The following FOXN3 variants were observed in gnomAD, a reference collection of about 807,000 sequenced individuals.
The protein encoded by FOXN3 is forkhead box N3.
Under a neutral mutation model 38.4 loss-of-function variants are expected in FOXN3, and 7 were observed. The observed-to-expected ratio is 0.18, with a 90% CI of 0.10 to 0.34. The LOEUF (loss-of-function observed/expected upper bound fraction) is 0.34. Ranked by LOEUF, FOXN3 falls within the 10% of genes least tolerant of loss-of-function variation. FOXN3 has a pLI of 1.00. For missense variants in FOXN3, 456 were observed against 613.4 expected (o/e 0.74, Z 2.71); for synonymous variants, 230 against 242.2 (o/e 0.95, Z 0.47).
chr14:89,351,955 C>T (rs547707311), intron 2 of FOXN3, among the ~76,000 whole-genome samples: 8 of 152,192 alleles, frequency 5.3e-5, no homozygotes, highest in African/African-American at 1.7e-4. Flanking sequence ...TCAGTTCACC[C>T]GAGTAGTTTC....
At chr14:89,609,494 T>G (rs2139951939) in intron 1 of FOXN3, among the ~76,000 whole-genome samples, 1 of 152,266 alleles carries the variant, frequency 6.6e-6, no homozygotes. Flanking sequence ...ATAATTTGAG[T>G]TGCAACCACG....
chr14:89,467,804 GTTTTTTTTTTTT>G (rs68132432), intron 1 of FOXN3, among the ~76,000 whole-genome samples: 4 of 56,578 alleles, frequency 7.1e-5, no homozygotes, highest in East Asian at 6.4e-4. Context: ...TTCTTTCTTT[GTTTTTTTTTTTT>G]TTTTTTTTTT....
chr14:89,497,526 C>A (rs1234422653), intron 1 of FOXN3, among the ~76,000 whole-genome samples: 3 of 151,568 alleles, frequency 2.0e-5, no homozygotes, highest in African/African-American at 4.9e-5. Context: ...TCTGCCTCAG[C>A]CTCCCCAGTA....
chr14:89,573,469 T>C (rs1895535942), intron 1 of FOXN3, among the ~76,000 whole-genome samples: 2 of 152,220 alleles, frequency 1.3e-5, no homozygotes, highest in South Asian at 4.1e-4. Context: ...TTTACTCAGA[T>C]ACAGCATACA....
chr14:89,588,564 T>C lies in FOXN3; in HGVS notation c.-15+30464A>G, dbSNP rs143976024. On this transcript the variant is annotated intron_variant, in intron 1 of 6. Coordinates refer to the FOXN3 transcript ENST00000345097. ...TCATGTTACGTAGAGAGCTCACTAA[T>C]GGCCAGGTTAAATTCAGGAACAGGT... Among the ~76,000 whole-genome samples the C allele has an allele frequency of 1.7e-3, 259 of 152,242 alleles. 1 individual carries two copies. Among genetic ancestry groups the C allele is most frequent in the Middle Eastern group, 6.8e-3 (2 of 294 alleles).
At chr14:89,290,060 C>A (rs962288930) in intron 3 of FOXN3, 1 of 155,188 alleles carries the variant, frequency 6.4e-6, no homozygotes, top group Non-Finnish European at 1.4e-5. Context: ...AAAATGCCCA[C>A]AAAGTCGTGC....
At chr14:89,200,029 C>G (rs1023172756) in intron 4 of FOXN3, among the ~76,000 whole-genome samples, 4 of 152,172 alleles carry the variant, frequency 2.6e-5, no homozygotes, top group African/African-American at 9.7e-5. Context: ...CATGGATACC[C>G]AACGGATGAC....
chr14:89,216,991 T>A (rs1884304860), intron 4 of FOXN3, among the ~76,000 whole-genome samples: 1 of 152,212 alleles, frequency 6.6e-6, no homozygotes, highest in Non-Finnish European at 1.5e-5. Context: ...AGCCTGGCCC[T>A]ATGCTGTGCT....
chr14:89,560,404 A>C (rs1376565497), intron 1 of FOXN3, among the ~76,000 whole-genome samples: 1 of 152,100 alleles, frequency 6.6e-6, no homozygotes, highest in Non-Finnish European at 1.5e-5. Flanking sequence ...CATGGAGGCC[A>C]CCCCCTCAAA....
intron 1 of FOXN3, among the ~76,000 whole-genome samples, chr14:89,603,397 C>A (rs114943921): frequency 2.6e-5 from 4 of 152,130 alleles, no homozygotes; most frequent in African/African-American, 7.2e-5. Context: ...GTTAAAGAAG[C>A]TAGCATTACC....
At chr14:89,419,947 G>A (rs569807053), upstream of FOXN3, among the ~76,000 whole-genome samples, 2 of 152,182 alleles carry the variant, frequency 1.3e-5, no homozygotes, top group Non-Finnish European at 2.9e-5. Flanking sequence ...GGAAGAGTCC[G>A]AGGCAGGCCT....
intron 1 of FOXN3, among the ~76,000 whole-genome samples, chr14:89,533,905 T>C (rs561599349): frequency 6.6e-6 from 1 of 151,954 alleles, no homozygotes; most frequent in East Asian, 1.9e-4. Flanking sequence ...CTTCTTTCTT[T>C]GGTTGCTTTT....
chr14:89,360,786 TCCA>T (rs1324290967), intron 2 of FOXN3, among the ~76,000 whole-genome samples: 228 of 14,608 alleles, frequency 0.016, 5 homozygotes, highest in South Asian at 0.041. Context: ...CACCACCACC[TCCA>T]CCACCACCAC....
chr14:89,371,443 T>G (rs889355509), intron 2 of FOXN3, among the ~76,000 whole-genome samples: 2 of 152,122 alleles, frequency 1.3e-5, no homozygotes, highest in African/African-American at 4.8e-5. Context: ...CCTCCCATCA[T>G]GACCCACTTG....
intron 1 of FOXN3, among the ~76,000 whole-genome samples, chr14:89,425,528 C>T (rs1043983422): frequency 2.8e-4 from 28 of 99,790 alleles, no homozygotes; most frequent in African/African-American, 7.9e-4. Context: ...CCACCATGCC[C>T]GGCTAATTTT....
At chr14:89,478,118 G>A (rs1377156899) in intron 1 of FOXN3, among the ~76,000 whole-genome samples, 1 of 152,142 alleles carries the variant, frequency 6.6e-6, no homozygotes, top group Non-Finnish European at 1.5e-5. Flanking sequence ...GGTGATAAGT[G>A]TGTTCTCACT....
At chr14:89,397,207 T>C (rs1015205544) in intron 2 of FOXN3, among the ~76,000 whole-genome samples, 9 of 152,038 alleles carry the variant, frequency 5.9e-5, no homozygotes, top group Admixed American at 5.9e-4. Context: ...TACCACATGT[T>C]CTCACTTATA....
At chr14:89,503,535 G>T (rs1893845309) in intron 1 of FOXN3, among the ~76,000 whole-genome samples, 1 of 152,222 alleles carries the variant, frequency 6.6e-6, no homozygotes, top group Non-Finnish European at 1.5e-5. Flanking sequence ...ACTGGTGCAT[G>T]AATTTGAATA....
intron 1 of FOXN3, among the ~76,000 whole-genome samples, chr14:89,551,777 C>T (rs962630706): frequency 1.3e-5 from 2 of 152,152 alleles, no homozygotes; most frequent in African/African-American, 2.4e-5. Context: ...CCACCCCTAC[C>T]GTTCCTCTTT....
Sources: gnomAD v4.1 joint callset for allele counts (sites outside exome capture counted in the v4.1 genomes callset) on GRCh38, gnomAD v4.1.1 for gene constraint, MANE v1.5 for transcripts, NCBI Gene and HGNC (gene_info 2026-07-23, HGNC 2026-07-21) for gene names.